The following TUSC3 variants were observed in gnomAD, a reference collection of about 807,000 sequenced individuals.
TUSC3 encodes the protein dolichyl-diphosphooligosaccharide--protein glycosyltransferase subunit TUSC3.
TUSC3 carries 45 observed loss-of-function variants against 44.8 expected under a neutral mutation model. That is an observed-to-expected ratio of 1.00 (90% CI 0.79 to 1.29). The LOEUF (loss-of-function observed/expected upper bound fraction) is 1.29, where lower values mean the gene tolerates loss of function less well. Among genes scored for constraint, TUSC3 ranks in the 50% most tolerant of loss-of-function variants. The pLI, the probability that TUSC3 is intolerant of heterozygous loss-of-function variation, is 0.00. For missense variants in TUSC3, 519 were observed against 437.9 expected (o/e 1.19, Z -1.65); for synonymous variants, 212 against 152.9 (o/e 1.39, Z -2.85).
chr8:15,762,683 T>G (rs187268497), intron 10 of TUSC3, among the ~76,000 whole-genome samples: 44 of 152,238 alleles, frequency 2.9e-4, no homozygotes, highest in Admixed American at 1.1e-3. Context: ...TGATTAAGGT[T>G]TCTTTTTTCA....
intron 1 of TUSC3, among the ~76,000 whole-genome samples, chr8:15,464,622 C>T (rs1307640197): frequency 2.0e-5 from 3 of 152,042 alleles, no homozygotes; most frequent in African/African-American, 7.2e-5. Flanking sequence ...TTTAAGTTAC[C>T]TCAGTATATC....
chr8:15,543,001 C>T (rs1801740058), intron 1 of TUSC3, among the ~76,000 whole-genome samples: 1 of 152,270 alleles, frequency 6.6e-6, no homozygotes, highest in South Asian at 2.1e-4. Flanking sequence ...CAGGCCATTC[C>T]GTATCTGGTA....
At chr8:15,555,993 A>AT (rs751666227) in intron 1 of TUSC3, among the ~76,000 whole-genome samples, 9 of 150,742 alleles carry the variant, frequency 6.0e-5, no homozygotes, top group East Asian at 5.9e-4. Context: ...TTTATTTTTT[A>AT]TTTTTTTATT....
At chr8:15,699,489 C>T (rs1002977661) in intron 6 of TUSC3, among the ~76,000 whole-genome samples, 1 of 152,144 alleles carries the variant, frequency 6.6e-6, no homozygotes, top group African/African-American at 2.4e-5. Context: ...TAAAACCTAG[C>T]ATTAACAATG....
chr8:15,525,587 G>C (rs1297960535), intron 2 of TUSC3, among the ~76,000 whole-genome samples: 2 of 152,126 alleles, frequency 1.3e-5, no homozygotes, highest in Non-Finnish European at 2.9e-5. Flanking sequence ...AAGTGGTCCT[G>C]AGAACAAAAA....
At chr8:15,682,636 G>C (rs1563170344) in intron 6 of TUSC3, among the ~76,000 whole-genome samples, 1 of 152,084 alleles carries the variant, frequency 6.6e-6, no homozygotes. Flanking sequence ...CATTTAGACT[G>C]TTTACATTCA....
chr8:15,719,360 G>T (rs1280986198), intron 6 of TUSC3, among the ~76,000 whole-genome samples: 2 of 151,922 alleles, frequency 1.3e-5, no homozygotes, highest in Non-Finnish European at 2.9e-5. Flanking sequence ...TGCCAAAGAT[G>T]TCTCTGTGGT....
At chr8:15,657,922 A>C (rs973437908) in intron 3 of TUSC3, among the ~76,000 whole-genome samples, 15 of 152,188 alleles carry the variant, frequency 9.9e-5, no homozygotes, top group African/African-American at 2.4e-5. Context: ...CTTGCCAGGC[A>C]CTTCTTGCTG....
intron 1 of TUSC3, among the ~76,000 whole-genome samples, chr8:15,449,117 A>C (rs1800159625): frequency 1.3e-5 from 2 of 152,158 alleles, no homozygotes; most frequent in African/African-American, 4.8e-5. Context: ...GGTCATTCTG[A>C]CAAGCTGGGA....
At chr8:15,811,070 C>A in the TUSC3 span, among the ~76,000 whole-genome samples, 1 of 152,036 alleles carries the variant, frequency 6.6e-6, no homozygotes, top group Non-Finnish European at 1.5e-5. Flanking sequence ...AAGGGGGAAG[C>A]GTATGAGAAA....
intron 1 of TUSC3, among the ~76,000 whole-genome samples, chr8:15,587,520 G>C (rs1803649630): frequency 6.6e-6 from 1 of 152,094 alleles, no homozygotes. Context: ...GATCAAATCA[G>C]GGTAATTAGC....
At chr8:15,469,323 C>G (rs964996238) in intron 1 of TUSC3, among the ~76,000 whole-genome samples, 4 of 152,098 alleles carry the variant, frequency 2.6e-5, no homozygotes, top group African/African-American at 9.7e-5. Context: ...AATAAGAAAT[C>G]AAATCCATTA....
At chr8:15,811,130 T>C in the TUSC3 span, among the ~76,000 whole-genome samples, 3 of 152,170 alleles carry the variant, frequency 2.0e-5, no homozygotes, top group South Asian at 6.2e-4. Flanking sequence ...TGTCGCGTGG[T>C]TGTCTTGTAG....
In TUSC3 at chr8:15,587,964, G is replaced by A. The variant is rs536594315; in HGVS notation, c.139-35116G>A. On this transcript the variant is annotated intron_variant, in intron 1 of 10. Coordinates refer to ENST00000503731, the MANE Select transcript of TUSC3 (RefSeq NM_006765.4). Reference sequence around the variant, plus strand: ...CTACATTTTCTTTATCCGTTTATCTGTTGGTAGACATTTAGATTGGTATCT... The same window carrying A: ...CTACATTTTCTTTATCCGTTTATCTATTGGTAGACATTTAGATTGGTATCT... 5.9e-5 allele frequency among the ~76,000 whole-genome samples: 9 copies of A among 152,100 alleles called. No homozygotes were observed. The South Asian group carries it at 1.2e-3, about 21-fold the overall frequency.
the TUSC3 span, among the ~76,000 whole-genome samples, chr8:15,850,829 T>C: frequency 1.3e-5 from 2 of 152,186 alleles, no homozygotes; most frequent in Non-Finnish European, 2.9e-5. Flanking sequence ...GGCCACATAA[T>C]CTTTGGAAGC....
intron 1 of TUSC3, among the ~76,000 whole-genome samples, chr8:15,599,091 C>T (rs149926395): frequency 4.0e-5 from 6 of 151,832 alleles, no homozygotes; most frequent in Non-Finnish European, 8.8e-5. Context: ...TGCTACACAT[C>T]CTCTCTAGCA....
chr8:15,820,912 G>C, the TUSC3 span, among the ~76,000 whole-genome samples: 2 of 152,130 alleles, frequency 1.3e-5, no homozygotes, highest in African/African-American at 4.8e-5. Flanking sequence ...AGATGTAATA[G>C]ATAATGTAAG....
chr8:15,511,186 G>A (rs992084036), intron 2 of TUSC3, among the ~76,000 whole-genome samples: 1 of 151,930 alleles, frequency 6.6e-6, no homozygotes, highest in African/African-American at 2.4e-5. Context: ...GGTCAAGAAG[G>A]TTCACTCTTA....
intron 6 of TUSC3, among the ~76,000 whole-genome samples, chr8:15,696,822 G>T: frequency 6.6e-6 from 1 of 152,244 alleles, no homozygotes; most frequent in Middle Eastern, 3.4e-3. Flanking sequence ...GATTTAGGGA[G>T]GGTTCCTTCT....
Sources: gnomAD v4.1 joint callset for allele counts (sites outside exome capture counted in the v4.1 genomes callset) on GRCh38, gnomAD v4.1.1 for gene constraint, MANE v1.5 for transcripts, NCBI Gene and HGNC (gene_info 2026-07-23, HGNC 2026-07-21) for gene names.